The following TNC variants were observed in gnomAD, a reference collection of about 807,000 sequenced individuals.
TNC encodes the protein tenascin C.
A neutral mutation model predicts 202.4 loss-of-function variants in TNC; 109 were observed. That is an observed-to-expected ratio of 0.54 (90% confidence interval 0.46 to 0.63). The LOEUF (loss-of-function observed/expected upper bound fraction) is 0.63, where lower values mean the gene tolerates loss of function less well. TNC is among the 30% of genes least tolerant of loss of function. The pLI is 0.00. For synonymous variants in TNC, 1,007 were observed against 1,089.7 expected (o/e 0.92, Z 1.50); for missense variants, 2,756 against 2,833.3 (o/e 0.97, Z 0.62).
intron 16 of TNC, 143 bp from the exon 17 acceptor site, chr9:115,046,825 A>G: frequency 1.1e-6 from 1 of 940,612 alleles, no homozygotes. Flanking sequence ...CCAAAAATAA[A>G]ATCATTCAAC....
chr9:115,038,631 A>G (rs756333837), intron 19 of TNC, among the ~76,000 whole-genome samples: 6 of 152,200 alleles, frequency 3.9e-5, no homozygotes, highest in Non-Finnish European at 7.3e-5. Context: ...GGCTGGTTTC[A>G]TCTTCAGTGT....
rs929236957 is a variant in TNC, at chr9:115,038,511, C to G, written c.5393-131G>C. 3.2e-6 allele frequency: 4 copies of G among 1,232,598 alleles called. No homozygotes were observed. In the African/African-American group the frequency reaches 6.1e-5, roughly 19 times the overall value. 76.4% of individuals were successfully genotyped at this position (1,232,598 alleles called of 1,614,324 possible). On this transcript the variant is annotated intron_variant, in intron 19 of 27. Transcript: ENST00000350763. ...TCAGCTGCATGGAATGGTTCAGAGA[C>G]CTAAGCCTGGAGCCAGCCTGACCTG...
At chr9:115,021,354 C>T in intron 27 of TNC, 87 bp from the exon 28 acceptor site, 6 of 873,686 alleles carry the variant, frequency 6.9e-6, no homozygotes, top group Non-Finnish European at 1.1e-5. Flanking sequence ...CTGATCATTG[C>T]TATTTAGTCA....
intron 1 of TNC, among the ~76,000 whole-genome samples, chr9:115,104,293 G>C (rs979719910): frequency 3.9e-5 from 6 of 152,164 alleles, no homozygotes; most frequent in Admixed American, 1.3e-4. Flanking sequence ...TTAAGAAATG[G>C]AAGAGATTTA....
At chr9:115,043,239 T>A (rs1830903101) in intron 17 of TNC, among the ~76,000 whole-genome samples, 1 of 152,198 alleles carries the variant, frequency 6.6e-6, no homozygotes, top group Admixed American at 6.5e-5. Context: ...CAGGGATTAT[T>A]ACATGCTGAA....
At chr9:115,089,079 C>T (rs1171708432) in intron 2 of TNC, among the ~76,000 whole-genome samples, 4 of 152,140 alleles carry the variant, frequency 2.6e-5, no homozygotes, top group South Asian at 4.1e-4. Flanking sequence ...GACTACTTAG[C>T]ATTACTCCTA....
intron 1 of TNC, among the ~76,000 whole-genome samples, chr9:115,093,178 T>C (rs182178400): frequency 2.3e-4 from 35 of 152,242 alleles, no homozygotes; most frequent in African/African-American, 8.2e-4. Flanking sequence ...ATATGACTGA[T>C]CAGGGGCCTA....
At position 115,086,114 on chromosome 9, in the gene TNC, C is replaced by G; in HGVS notation, c.1617G>C (p.Gln539His). Residue 539 changes from glutamine to histidine, a missense_variant, in exon 3 of 28, where the codon CAG becomes CAC. Coordinates refer to ENST00000350763, the MANE Select transcript of TNC (RefSeq NM_002160.4). ...CGCACTGCCCATTCACACAGCGACC[C>G]TGGCCATGGCAGTCATTTGGACAGG... ...ELSCPNDCHG[Q>H]GRCVNGQCVC... 4.3e-6 allele frequency: 7 copies of G among 1,613,644 alleles called. No homozygotes were observed. The highest frequency in any genetic ancestry group is 5.9e-6 in the Non-Finnish European group (7 of 1,179,720).
At chr9:115,032,101 T>A (rs976281273) in intron 22 of TNC, among the ~76,000 whole-genome samples, 1 of 152,200 alleles carries the variant, frequency 6.6e-6, no homozygotes, top group Non-Finnish European at 1.5e-5. Context: ...TCAAATATTA[T>A]TCTATGTTTC....
intron 1 of TNC, among the ~76,000 whole-genome samples, chr9:115,113,331 G>A (rs975719233): frequency 1.3e-4 from 20 of 152,200 alleles, no homozygotes; most frequent in African/African-American, 4.1e-4. Context: ...TTTCTGCATG[G>A]TATTGGGTAA....
At chr9:115,062,280 C>T (rs1832600751) in intron 13 of TNC, among the ~76,000 whole-genome samples, 1 of 152,006 alleles carries the variant, frequency 6.6e-6, no homozygotes, top group Non-Finnish European at 1.5e-5. Flanking sequence ...TTTAAAGATA[C>T]AAAAAGGAGG....
intron 23 of TNC, 151 bp from the exon 24 acceptor site, chr9:115,030,556 A>G (rs965953959): frequency 1.2e-5 from 11 of 904,848 alleles, no homozygotes; most frequent in Non-Finnish European, 1.6e-5. Flanking sequence ...GAAATGGGCA[A>G]TCTTGGAACT....
At position 115,090,769 on chromosome 9, in the gene TNC, T is replaced by G; in HGVS notation, c.250A>C (p.Ser84Arg). The change falls in exon 2 of 28, where the codon AGC becomes CGC. Residue 84 changes from serine to arginine, a missense_variant. By Grantham distance (110) the Ser-to-Arg change is moderately radical (BLOSUM62 -1). Coordinates refer to ENST00000350763, the MANE Select transcript of TNC (RefSeq NM_002160.4). Reference sequence around the variant, plus strand: ...ACTGTGTGCTCCTGAAAGCTTTCGCTGGGCTCTGAAGGCGGTGCCAGGTCT... The same window carrying G: ...ACTGTGTGCTCCTGAAAGCTTTCGCGGGGCTCTGAAGGCGGTGCCAGGTCT... ...EKDLAPPSEP[S>R]ESFQEHTVDG... 1 of 1,614,236 alleles carries G rather than the reference T, an allele frequency of 6.2e-7. No homozygotes were observed. Among genetic ancestry groups the G allele is most frequent in the Non-Finnish European group, 8.5e-7 (1 of 1,180,036 alleles).
intron 9 of TNC, among the ~76,000 whole-genome samples, 164 bp from the exon 10 acceptor site, chr9:115,074,030 A>G (rs1216960460): frequency 6.6e-6 from 1 of 152,204 alleles, no homozygotes; most frequent in African/African-American, 2.4e-5. Context: ...ACTTTTGTAA[A>G]ATAGGTCTAA....
chr9:115,111,662 C>T (rs369769115), intron 1 of TNC, among the ~76,000 whole-genome samples: 7 of 151,978 alleles, frequency 4.6e-5, no homozygotes, highest in Non-Finnish European at 1.0e-4. Flanking sequence ...CCACCCGCCT[C>T]GGGCTCCCAA....
rs779620291 is a variant in TNC at position 115,086,484 on chromosome 9, C to T, written c.1247G>A (p.Gly416Asp). Reference protein sequence around the residue: ...LKCPNGCSGHGRCVNGQCVCD... With the variant: ...LKCPNGCSGHDRCVNGQCVCD... ...CACACACTGCCCATTGACACAGCGGCCATGGCCACTGCAGCCATTGGGACA... is the reference window on the plus strand; with the variant it reads ...CACACACTGCCCATTGACACAGCGGTCATGGCCACTGCAGCCATTGGGACA... Residue 416 changes from glycine to aspartate, a missense_variant, in exon 3 of 28, where the codon GGC (glycine) becomes GAC (aspartate). Physicochemically the swap from Gly to Asp is moderately conservative, Grantham distance 94. Around this residue, in one of 2 missense-constraint regions of TNC, gnomAD observed 2,559 missense variants for 2,546.0 expected, o/e 1.01. Transcript: ENST00000350763. The T allele has an allele frequency of 3.1e-6, 5 of 1,613,832 alleles. No individual in the cohort carries two copies. Among genetic ancestry groups the T allele is most frequent in the South Asian group, 2.2e-5 (2 of 91,086 alleles).
rs538420123 is a variant in TNC at position 115,105,338 on chromosome 9, A to G, written c.-137+12644T>C. On this transcript the variant is annotated intron_variant, in intron 1 of 27. Transcript: ENST00000350763. ...TATAATAATAATGAACATTGATTGC[A>G]TATGTCGTCTGTGCCAGACACTGCT... Among the ~76,000 whole-genome samples, 4 of 152,324 alleles carry G rather than the reference A, an allele frequency of 2.6e-5. No homozygotes were observed. The South Asian group carries it at 8.3e-4, about 32-fold the overall frequency.
In TNC at chr9:115,062,962, C is replaced by T. The variant is rs1832665716; in HGVS notation, c.3988G>A (p.Val1330Ile). ...TPYTVTLHGE[V>I]RGHSTRPLAV... ...AGGGGTCGAGTGCTGTGGCCCCTGA[C>T]CTCGCCGTGCAGGGTGACTGTGTAA... The change falls in exon 13 of 28, where the codon GTC becomes ATC. Residue 1330 changes from valine to isoleucine, a missense_variant. This residue lies in a region of TNC where 2,559 missense variants were observed against 2,546.0 expected (regional missense o/e 1.01). Coordinates refer to ENST00000350763, the MANE Select transcript of TNC (RefSeq NM_002160.4). 1.9e-6 allele frequency: 3 copies of T among 1,613,998 alleles called. No individual in the cohort carries two copies. The highest frequency in any genetic ancestry group is 1.1e-5 in the South Asian group (1 of 91,062).
chr9:115,048,550 T>G lies in TNC; in HGVS notation c.4580-18A>C, dbSNP rs1323535924. On this transcript the variant is annotated intron_variant, in intron 15 of 27. Transcript: ENST00000350763. ...CAGGGCCTCTGAAAGAAGGGAGGAG[T>G]GAAAATAACTCAGGTTAGCAGCACT... The G allele has an allele frequency of 6.2e-6, 10 of 1,602,226 alleles. No individual in the cohort carries two copies. Among genetic ancestry groups the G allele is most frequent in the Non-Finnish European group, 7.7e-6 (9 of 1,176,136 alleles).
Sources: allele counts gnomAD v4.1 joint callset (sites outside exome capture counted in the v4.1 genomes callset), GRCh38; gene constraint gnomAD v4.1.1; regional missense constraint gnomAD v4.1.1; transcripts MANE v1.5; gene names NCBI Gene and HGNC (gene_info 2026-07-23, HGNC 2026-07-21).